Variants in ZFYVE28 observed in about 807,000 individuals in gnomAD.
ZFYVE28 encodes lateral signaling target protein 2 homolog.
A neutral mutation model predicts 82.1 loss-of-function variants in ZFYVE28; 40 were observed. The ratio of observed to expected loss-of-function variants is 0.49; its 90% CI spans 0.38 to 0.63. ZFYVE28 has a LOEUF of 0.63. Ranked by LOEUF, ZFYVE28 falls within the 30% of genes least tolerant of loss-of-function variation. The pLI is 0.00. For synonymous variants in ZFYVE28, 612 were observed against 546.1 expected (o/e 1.12, Z -1.68); for missense variants, 1,321 against 1,242.1 (o/e 1.06, Z -0.96).
In ZFYVE28 at chr4:2,305,319, C is replaced by T; in HGVS notation, c.1021G>A (p.Glu341Lys). Residue 341 changes from glutamate (E) to lysine (K), a missense_variant, in exon 8 of 13, where the codon GAG becomes AAG. Transcript: ENST00000290974. ...LACSMQYDDQELEQLSRMVHR... is the reference protein window; with the variant it reads ...LACSMQYDDQKLEQLSRMVHR... Reference sequence around the variant, plus strand: ...ACCATGCGGCTGAGCTGCTCCAGCTCCTGGTCGTCGTACTGCATGGAGCAG... The same window carrying T: ...ACCATGCGGCTGAGCTGCTCCAGCTTCTGGTCGTCGTACTGCATGGAGCAG... 1 of 1,613,188 alleles carries T rather than the reference C, an allele frequency of 6.2e-7. No homozygotes were observed. Among genetic ancestry groups the T allele is most frequent in the Non-Finnish European group, 8.5e-7 (1 of 1,180,032 alleles).
Position 2,305,339 on chromosome 4 carries a change from G to A in ZFYVE28, c.1001C>T (p.Ser334Phe), listed in dbSNP as rs1314249571. The A allele has an allele frequency of 6.2e-7, 1 of 1,613,058 alleles. No individual in the cohort carries two copies. Among genetic ancestry groups the A allele is most frequent in the South Asian group, 1.1e-5 (1 of 91,084 alleles). Residue 334 changes from serine (S) to phenylalanine (F), a missense_variant, in exon 8 of 13, where the codon TCC becomes TTC. Transcript: ENST00000290974. ...AKDPDAELAC[S>F]MQYDDQELEQ... is the part of the protein sequence containing the mutation. The stretch of plus-strand genomic sequence containing the variant: ...CAGCTCCTGGTCGTCGTACTGCATG[G>A]AGCAGGCCAGCTCTGCATCCGGGTC...
rs1452883176 is a variant in ZFYVE28 at position 2,335,406 on chromosome 4, T to C, written c.701+299A>G. On this transcript the variant is annotated intron_variant, in intron 6 of 12. Coordinates refer to ENST00000290974, the MANE Select transcript of ZFYVE28 (RefSeq NM_020972.3). The surrounding 1 kb of genome is among the most constrained non-coding windows in gnomAD (Gnocchi z 5.8). ...TGTGACCCTCATGGTCTCCTGTGAC[T>C]AATGAGCTCACCTGTGGATCTCACC... Among the ~76,000 whole-genome samples, 5 of 152,144 alleles carry C rather than the reference T, an allele frequency of 3.3e-5. No homozygotes were observed. The highest frequency in any genetic ancestry group is 1.2e-4 in the African/African-American group (5 of 41,436).
At chr4:2,302,838 C>G (rs1715783330) in intron 8 of ZFYVE28, among the ~76,000 whole-genome samples, 2 of 152,256 alleles carry the variant, frequency 1.3e-5, no homozygotes, top group Admixed American at 6.5e-5. Flanking sequence ...GACGTTACGT[C>G]TGGTGGACGA....
chr4:2,385,036 C>G (rs1033763187), intron 1 of ZFYVE28, among the ~76,000 whole-genome samples: 2 of 152,186 alleles, frequency 1.3e-5, no homozygotes, highest in African/African-American at 4.8e-5. Flanking sequence ...AAAGGCCTCA[C>G]CTTTGAAGCC....
In ZFYVE28 at chr4:2,335,676, C is replaced by A. The variant is rs752344649; in HGVS notation, c.701+29G>T. ...GCCCTGCCCGTCCCGCAGGTTTCTG[C>A]AGAGGTCCTGGGCACAGGAGGCACT... On this transcript the variant is annotated intron_variant, in intron 6 of 12. Coordinates refer to ENST00000290974, the MANE Select transcript of ZFYVE28 (RefSeq NM_020972.3). This position sits in a 1 kb window ranked among gnomAD's most constrained non-coding sequence, Gnocchi z 5.8. The A allele has an allele frequency of 6.7e-5, 104 of 1,556,700 alleles. No individual in the cohort carries two copies. The highest frequency in any genetic ancestry group is 7.8e-5 in the Non-Finnish European group (90 of 1,149,634).
intron 6 of ZFYVE28, among the ~76,000 whole-genome samples, chr4:2,334,864 C>CG (rs1491467729): frequency 2.9e-5 from 3 of 103,406 alleles, no homozygotes; most frequent in Non-Finnish European, 4.1e-5. Flanking sequence ...ACTTCCGCCT[C>CG]CCCCCCAGCT....
At chr4:2,272,530 G>T (rs1008609463) in intron 10 of ZFYVE28, among the ~76,000 whole-genome samples, 2 of 152,230 alleles carry the variant, frequency 1.3e-5, no homozygotes, top group African/African-American at 4.8e-5. Flanking sequence ...GTGTGCATGT[G>T]TGTGGGTGTG....
intron 8 of ZFYVE28, among the ~76,000 whole-genome samples, chr4:2,284,887 G>T (rs558802024): frequency 6.6e-6 from 1 of 152,310 alleles, no homozygotes; most frequent in African/African-American, 2.4e-5. Context: ...AGTCTAGTAC[G>T]GCAAGGATTT....
chr4:2,272,930 C>A lies in ZFYVE28; in HGVS notation c.2323+243G>T, dbSNP rs1028338576. Among the ~76,000 whole-genome samples the A allele has an allele frequency of 4.6e-5, 7 of 152,342 alleles. No individual in the cohort carries two copies. In the East Asian group the frequency reaches 1.2e-3, roughly 25 times the overall value. On this transcript the variant is annotated intron_variant, in intron 10 of 12. Coordinates refer to ENST00000290974, the MANE Select transcript of ZFYVE28 (RefSeq NM_020972.3). ...CTCGTTTGCAGGGGTGGAGTGACTTCCTGGGCGGGCAGCCCATCTGGGCAC... is the reference window on the plus strand; with the variant it reads ...CTCGTTTGCAGGGGTGGAGTGACTTACTGGGCGGGCAGCCCATCTGGGCAC...
At position 2,271,596 on chromosome 4, in the gene ZFYVE28, C is replaced by G. The variant is rs1246061137; in HGVS notation, c.2428+79G>C. 6 of 1,506,710 alleles carry G rather than the reference C, an allele frequency of 4.0e-6. No homozygotes were observed. The African/African-American group carries it at 5.5e-5, about 14-fold the overall frequency. 93.3% of individuals were successfully genotyped at this position (1,506,710 alleles called of 1,614,324 possible). A position where few individuals can be genotyped will look rare whatever the true frequency, so the allele number is the denominator to read the frequency against. Reference sequence around the variant, plus strand: ...GACAGGGTGGCCTGCAGCCCCTCCCCCAGGAGGAAGGCTCCTGTGGCTCCC... The same window carrying G: ...GACAGGGTGGCCTGCAGCCCCTCCCGCAGGAGGAAGGCTCCTGTGGCTCCC... On this transcript the variant is annotated intron_variant, in intron 11 of 12. Transcript: ENST00000290974.
intron 1 of ZFYVE28, among the ~76,000 whole-genome samples, chr4:2,405,457 G>C (rs1731774927): frequency 6.6e-6 from 1 of 152,258 alleles, no homozygotes; most frequent in Admixed American, 6.5e-5. Context: ...ATGGTCGACT[G>C]ATGGGTGCGC....
chr4:2,350,418 C>G (rs367796399), intron 2 of ZFYVE28, among the ~76,000 whole-genome samples: 12 of 151,606 alleles, frequency 7.9e-5, no homozygotes, highest in Non-Finnish European at 1.5e-4. Context: ...GAGCCGAGAT[C>G]GCGCCACTGC....
chr4:2,322,716 C>A (rs1719277485), intron 6 of ZFYVE28, among the ~76,000 whole-genome samples: 1 of 152,166 alleles, frequency 6.6e-6, no homozygotes, highest in African/African-American at 2.4e-5. Flanking sequence ...TTTTTATCAC[C>A]CCAGAAAACA....
intron 6 of ZFYVE28, chr4:2,329,172 G>A (rs1560211785): frequency 1.2e-5 from 8 of 690,660 alleles, no homozygotes; most frequent in African/African-American, 3.5e-5. Flanking sequence ...ATGGAGTTTC[G>A]ACAGCAATTG....
At chr4:2,391,401 C>T (rs1678968180) in intron 1 of ZFYVE28, among the ~76,000 whole-genome samples, 1 of 151,842 alleles carries the variant, frequency 6.6e-6, no homozygotes, top group Non-Finnish European at 1.5e-5. Context: ...CATAACAGAT[C>T]CCACAATGCA....
intron 1 of ZFYVE28, among the ~76,000 whole-genome samples, chr4:2,415,451 T>TACACACACAC (rs58420760): frequency 0.043 from 6,304 of 147,056 alleles, 238 homozygotes; most frequent in African/African-American, 0.099. Context: ...ACCCTGTCTC[T>TACACACACAC]ACACACACAC....
rs1163298781 is a variant in ZFYVE28 at position 2,408,583 on chromosome 4, C to A, written c.39+9702G>T. Among the ~76,000 whole-genome samples, 2 of 152,184 alleles carry A rather than the reference C, an allele frequency of 1.3e-5. No homozygotes were observed. Among genetic ancestry groups the A allele is most frequent in the Non-Finnish European group, 2.9e-5 (2 of 68,016 alleles). On this transcript the variant is annotated intron_variant, in intron 1 of 12. Transcript: ENST00000290974. This position sits in a 1 kb window ranked among gnomAD's most constrained non-coding sequence, Gnocchi z 4.3. ...CCAACTGAAGCTCCGCCCAGTTGGG[C>A]CCCGCCCAGGTAAGCCCCATCTAGA...
chr4:2,335,821 G>A lies in ZFYVE28; in HGVS notation c.612-27C>T. On this transcript the variant is annotated intron_variant, in intron 5 of 12. Coordinates refer to ENST00000290974, the MANE Select transcript of ZFYVE28 (RefSeq NM_020972.3). This position sits in a 1 kb window ranked among gnomAD's most constrained non-coding sequence, Gnocchi z 5.8. The stretch of plus-strand genomic sequence containing the variant: ...TGTCCGGGGAGACGGACAGTGAGCA[G>A]CATGAGGGCTGGCCCACCACAGCCA... 1.3e-6 allele frequency: 2 copies of A among 1,543,580 alleles called. No individual in the cohort carries two copies. The highest frequency in any genetic ancestry group is 1.8e-6 in the Non-Finnish European group (2 of 1,140,388).
chr4:2,309,977 T>C (rs1400189964), intron 7 of ZFYVE28, among the ~76,000 whole-genome samples: 1 of 152,218 alleles, frequency 6.6e-6, no homozygotes, highest in Non-Finnish European at 1.5e-5. Context: ...TTAAAATTAA[T>C]GTGGCAAAAC....
Sources: gnomAD v4.1 joint callset for allele counts (sites outside exome capture counted in the v4.1 genomes callset) on GRCh38, gnomAD v4.1.1 for gene constraint, Gnocchi (gnomAD v3.1) non-coding constraint, MANE v1.5 for transcripts, NCBI Gene and HGNC (gene_info 2026-07-23, HGNC 2026-07-21) for gene names.